Variants in RFTN1 observed in about 807,000 individuals in gnomAD.
RFTN1 encodes the protein raftlin, lipid raft linker 1, also known as raftlin.
A neutral mutation model predicts 46.5 loss-of-function variants in RFTN1; 26 were observed. The observed-to-expected ratio is 0.56, with a 90% CI of 0.41 to 0.78. The LOEUF (loss-of-function observed/expected upper bound fraction) is 0.78, where lower values mean the gene tolerates loss of function less well. Among genes scored for constraint, RFTN1 ranks in the 30% least tolerant of loss-of-function variants. The pLI is 0.00. For synonymous variants in RFTN1, 261 were observed against 284.2 expected (o/e 0.92, Z 0.82); for missense variants, 693 against 718.7 (o/e 0.96, Z 0.41).
At chr3:16,369,170 T>C (rs2073382014) in intron 6 of RFTN1, among the ~76,000 whole-genome samples, 1 of 152,368 alleles carries the variant, frequency 6.6e-6, no homozygotes, top group Admixed American at 6.5e-5. Flanking sequence ...TGGTCTCTAT[T>C]CTCAGGATGC....
chr3:16,463,668 C>T (rs776571063), intron 2 of RFTN1, among the ~76,000 whole-genome samples: 1 of 152,146 alleles, frequency 6.6e-6, no homozygotes, highest in Non-Finnish European at 1.5e-5. Flanking sequence ...TCTGGATCAT[C>T]TGTGAATCTG....
chr3:16,400,552 C>T lies in RFTN1; in HGVS notation c.441+8823G>A, dbSNP rs2074575357. Among the ~76,000 whole-genome samples, 1 of 152,238 alleles carries T rather than the reference C, an allele frequency of 6.6e-6. No individual in the cohort carries two copies. The highest frequency in any genetic ancestry group is 1.5e-5 in the Non-Finnish European group (1 of 68,052). ...TTACTAAAGTATTCCCAAACACTAC[C>T]AGCAAAGATCTGTTCAAAGAAATGT... On this transcript the variant is annotated intron_variant, in intron 4 of 9. Coordinates refer to ENST00000334133, the MANE Select transcript of RFTN1 (RefSeq NM_015150.2). This position sits in a 1 kb window ranked among gnomAD's most constrained non-coding sequence, Gnocchi z 4.5.
At position 16,329,869 on chromosome 3, in the gene RFTN1, T is replaced by C. The variant is rs1034635407; in HGVS notation, c.1147-2993A>G. On this transcript the variant is annotated intron_variant, in intron 7 of 9. Transcript: ENST00000334133. This position sits in a 1 kb window ranked among gnomAD's most constrained non-coding sequence, Gnocchi z 4.5. ...CCCTGAGTGGCAGAATGGAGTCCTT[T>C]TATTGGTGGCTGCATCTCGGGCCAG... 6.6e-6 allele frequency among the ~76,000 whole-genome samples: 1 copy of C among 152,128 alleles called. No individual in the cohort carries two copies. Among genetic ancestry groups the C allele is most frequent in the Non-Finnish European group, 1.5e-5 (1 of 68,012 alleles).
Position 16,440,338 on chromosome 3 carries a change from G to T in RFTN1, c.146-6301C>A, listed in dbSNP as rs1559348659. 6.6e-6 allele frequency among the ~76,000 whole-genome samples: 1 copy of T among 152,170 alleles called. No individual in the cohort carries two copies. Among genetic ancestry groups the T allele is most frequent in the Non-Finnish European group, 1.5e-5 (1 of 68,036 alleles). ...TCCTGCCTCAGCCCCCTGAGTAGCT[G>T]GGACTACAGGTGTGCACCAACATGC... On this transcript the variant is annotated intron_variant, in intron 2 of 9. Coordinates refer to ENST00000334133, the MANE Select transcript of RFTN1 (RefSeq NM_015150.2). This position sits in a 1 kb window ranked among gnomAD's most constrained non-coding sequence, Gnocchi z 4.6.
chr3:16,412,655 G>T (rs1290030719), intron 3 of RFTN1, among the ~76,000 whole-genome samples: 1 of 152,214 alleles, frequency 6.6e-6, no homozygotes, highest in Non-Finnish European at 1.5e-5. Flanking sequence ...AGCCCTTTCA[G>T]TGGGGGCAGG....
At chr3:16,379,753 T>C (rs1195155026) in intron 4 of RFTN1, among the ~76,000 whole-genome samples, 2 of 152,218 alleles carry the variant, frequency 1.3e-5, no homozygotes, top group East Asian at 3.9e-4. Flanking sequence ...ATTCTGAAAA[T>C]TTTTTCCCTC....
At chr3:16,456,869 C>T (rs754682119) in intron 2 of RFTN1, among the ~76,000 whole-genome samples, 2 of 152,168 alleles carry the variant, frequency 1.3e-5, no homozygotes, top group Non-Finnish European at 2.9e-5. Context: ...GTCCCCAGAC[C>T]ACTCTGAGAA....
At position 16,512,239 on chromosome 3, in the gene RFTN1, C is replaced by T. The variant is rs1575395524; in HGVS notation, c.-9+1203G>A. Among the ~76,000 whole-genome samples the T allele has an allele frequency of 6.6e-6, 1 of 152,226 alleles. No individual in the cohort carries two copies. Among genetic ancestry groups the T allele is most frequent in the Non-Finnish European group, 1.5e-5 (1 of 68,020 alleles). On this transcript the variant is annotated intron_variant, in intron 1 of 9. Transcript: ENST00000334133. This position sits in a 1 kb window ranked among gnomAD's most constrained non-coding sequence, Gnocchi z 4.3. ...AGGCCCAGAGGTCGCTCACATTACA[C>T]CCGGCTTCCTTCCTGGCAAGGCCTT...
At position 16,460,018 on chromosome 3, in the gene RFTN1, G is replaced by T. The variant is rs1220200763; in HGVS notation, c.146-25981C>A. Among the ~76,000 whole-genome samples the T allele has an allele frequency of 1.3e-5, 2 of 152,128 alleles. No individual in the cohort carries two copies. The highest frequency in any genetic ancestry group is 4.8e-5 in the African/African-American group (2 of 41,412). ...TTCCATATGATTGACTTATTTCAAT[G>T]CTTTGAGTGGGCATAGCTTTATTCT... On this transcript the variant is annotated intron_variant, in intron 2 of 9. Transcript: ENST00000334133. This position sits in a 1 kb window ranked among gnomAD's most constrained non-coding sequence, Gnocchi z 4.8.
rs1449186787 is a variant in RFTN1 at position 16,407,786 on chromosome 3, T to C, written c.441+1589A>G. Among the ~76,000 whole-genome samples, 1 of 152,126 alleles carries C rather than the reference T, an allele frequency of 6.6e-6. No homozygotes were observed. The highest frequency in any genetic ancestry group is 1.5e-5 in the Non-Finnish European group (1 of 68,024). ...TTATGCGTATGTGAACAAAAGCTAC[T>C]TCCCCCCTCCCCCATTTCTTAAATA... On this transcript the variant is annotated intron_variant, in intron 4 of 9. Transcript: ENST00000334133. This position sits in a 1 kb window ranked among gnomAD's most constrained non-coding sequence, Gnocchi z 4.0.
rs1413593543 is a variant in RFTN1, at chr3:16,374,720, C to G, written c.826+2998G>C. Among the ~76,000 whole-genome samples the G allele has an allele frequency of 6.6e-6, 1 of 152,226 alleles. No individual in the cohort carries two copies. The highest frequency in any genetic ancestry group is 1.5e-5 in the Non-Finnish European group (1 of 68,028). ...AGCCTCCTGGTTTCTCTGATGGAAG[C>G]TGTGGCAACGGAGACACTGAGGCTG... On this transcript the variant is annotated intron_variant, in intron 5 of 9. Transcript: ENST00000334133. The surrounding 1 kb of genome is among the most constrained non-coding windows in gnomAD (Gnocchi z 5.4).
Position 16,370,022 on chromosome 3 carries a change from G to C in RFTN1, c.1030+54C>G. ...CTGAAGAGGGACTAAGATTTCAAGA[G>C]TTAGAAGCAGAGTTCACAAAGGGCC... On this transcript the variant is annotated intron_variant, in intron 6 of 9. Coordinates refer to ENST00000334133, the MANE Select transcript of RFTN1 (RefSeq NM_015150.2). The surrounding 1 kb of genome is among the most constrained non-coding windows in gnomAD (Gnocchi z 5.5). 1.3e-6 allele frequency: 2 copies of C among 1,517,356 alleles called. No individual in the cohort carries two copies. Among genetic ancestry groups the C allele is most frequent in the Non-Finnish European group, 1.8e-6 (2 of 1,092,466 alleles). 94.0% of individuals were successfully genotyped at this position (1,517,356 alleles called of 1,614,324 possible). A position where few individuals can be genotyped will look rare whatever the true frequency, so the allele number is the denominator to read the frequency against.
chr3:16,382,424 C>A lies in RFTN1; in HGVS notation c.442-4322G>T, dbSNP rs540602515. On this transcript the variant is annotated intron_variant, in intron 4 of 9. Transcript: ENST00000334133. This position sits in a 1 kb window ranked among gnomAD's most constrained non-coding sequence, Gnocchi z 4.7. ...TGCTTCTCATTCTTGCATTTATAAC[C>A]TTTACTGAGCCAGTCTCACATTCAT... Among the ~76,000 whole-genome samples, 2 of 152,266 alleles carry A rather than the reference C, an allele frequency of 1.3e-5. No homozygotes were observed. Among genetic ancestry groups the A allele is most frequent in the East Asian group, 3.9e-4 (2 of 5,184 alleles).
chr3:16,457,627 C>T lies in RFTN1; in HGVS notation c.146-23590G>A, dbSNP rs553291380. 4.0e-4 allele frequency among the ~76,000 whole-genome samples: 61 copies of T among 152,028 alleles called. No individual in the cohort carries two copies. The highest frequency in any genetic ancestry group is 4.3e-4 in the African/African-American group (18 of 41,394). ...GTAATAAAATTTTAGTTTTTTGTTT[C>T]GGTGCCTCTGATTGAAAGTGGCAAG... On this transcript the variant is annotated intron_variant, in intron 2 of 9. Transcript: ENST00000334133. The surrounding 1 kb of genome is among the most constrained non-coding windows in gnomAD (Gnocchi z 4.2).
In RFTN1 at chr3:16,321,594, T is replaced by C. The variant is rs2069063816; in HGVS notation, c.1332+1782A>G. Among the ~76,000 whole-genome samples the C allele has an allele frequency of 6.6e-6, 1 of 152,094 alleles. No individual in the cohort carries two copies. Among genetic ancestry groups the C allele is most frequent in the South Asian group, 2.1e-4 (1 of 4,824 alleles). On this transcript the variant is annotated intron_variant, in intron 9 of 9. Coordinates refer to ENST00000334133, the MANE Select transcript of RFTN1 (RefSeq NM_015150.2). This position sits in a 1 kb window ranked among gnomAD's most constrained non-coding sequence, Gnocchi z 4.8. Reference sequence around the variant, plus strand: ...AAGGAGTCTGGCTGTGAAGCCCCCCTCTCTGGAGGACTCCCATCTGTGAGG... The same window carrying C: ...AAGGAGTCTGGCTGTGAAGCCCCCCCCTCTGGAGGACTCCCATCTGTGAGG...
Position 16,407,489 on chromosome 3 carries a change from G to T in RFTN1, c.441+1886C>A, listed in dbSNP as rs1455606062. On this transcript the variant is annotated intron_variant, in intron 4 of 9. Transcript: ENST00000334133. The surrounding 1 kb of genome is among the most constrained non-coding windows in gnomAD (Gnocchi z 4.0). ...ATTACCAGCTGAGCCACTGTGCCCA[G>T]CCTCAAATCACATGTTTTTAAAAAG... Among the ~76,000 whole-genome samples the T allele has an allele frequency of 1.3e-5, 2 of 152,100 alleles. No homozygotes were observed. Among genetic ancestry groups the T allele is most frequent in the Admixed American group, 6.6e-5 (1 of 15,262 alleles).
chr3:16,505,430 CAG>C, intron 1 of RFTN1, among the ~76,000 whole-genome samples: 1 of 152,252 alleles, frequency 6.6e-6, no homozygotes, highest in East Asian at 1.9e-4. Flanking sequence ...GAAACAAAAC[CAG>C]TCAGATGTGT....
At chr3:16,379,219 G>T (rs1176453654) in intron 4 of RFTN1, among the ~76,000 whole-genome samples, 4 of 152,230 alleles carry the variant, frequency 2.6e-5, no homozygotes, top group Non-Finnish European at 4.4e-5. Flanking sequence ...AGGAGAAGCT[G>T]CCCTGACAGC....
At position 16,428,964 on chromosome 3, in the gene RFTN1, A is replaced by G. The variant is rs2075335648; in HGVS notation, c.332+4887T>C. ...CAGAGTGAGTGCAACTATATTGTCT[A>G]TTAAAAATCACTAAGTGTTCCAAAG... On this transcript the variant is annotated intron_variant, in intron 3 of 9. Coordinates refer to ENST00000334133, the MANE Select transcript of RFTN1 (RefSeq NM_015150.2). This position sits in a 1 kb window ranked among gnomAD's most constrained non-coding sequence, Gnocchi z 4.7. Among the ~76,000 whole-genome samples, 1 of 152,246 alleles carries G rather than the reference A, an allele frequency of 6.6e-6. No individual in the cohort carries two copies. Among genetic ancestry groups the G allele is most frequent in the African/African-American group, 2.4e-5 (1 of 41,472 alleles).
Sources: gnomAD v4.1 joint callset for allele counts (sites outside exome capture counted in the v4.1 genomes callset) on GRCh38, gnomAD v4.1.1 for gene constraint, Gnocchi (gnomAD v3.1) non-coding constraint, MANE v1.5 for transcripts, NCBI Gene and HGNC (gene_info 2026-07-23, HGNC 2026-07-21) for gene names.